VWA8: variants seen among roughly 807,000 people sequenced by gnomAD.
VWA8 encodes the protein von Willebrand factor A domain-containing protein 8.
Under a neutral mutation model 241.5 loss-of-function variants are expected in VWA8, and 221 were observed. That is an observed-to-expected ratio of 0.91 (90% CI 0.82 to 1.02). VWA8 has a LOEUF of 1.02. Ranked by LOEUF, VWA8 falls within the 50% of genes least tolerant of loss-of-function variation. The probability of loss-of-function intolerance (pLI) is 0.00; values close to 1 mark genes in which losing one functional copy is unlikely to be tolerated. For missense variants in VWA8, 2,322 were observed against 2,328.7 expected, an observed-to-expected ratio of 1.00 and a Z score of 0.06; for synonymous variants, 852 against 827.1, an observed-to-expected ratio of 1.03 and a Z score of -0.52.
intron 37 of VWA8, among the ~76,000 whole-genome samples, chr13:41,620,971 T>C (rs1188039722): frequency 6.6e-6 from 1 of 152,166 alleles, no homozygotes; most frequent in African/African-American, 2.4e-5. Context: ...ATTCAATGAT[T>C]TCAAATCTGG....
chr13:41,920,901 T>C (rs572174781), intron 2 of VWA8, among the ~76,000 whole-genome samples: 4 of 152,126 alleles, frequency 2.6e-5, no homozygotes, highest in African/African-American at 9.6e-5. Context: ...TTCCAAACAA[T>C]AGAAAAAGAG....
intron 37 of VWA8, among the ~76,000 whole-genome samples, chr13:41,649,440 G>A (rs551829545): frequency 1.6e-4 from 25 of 152,002 alleles, no homozygotes; most frequent in African/African-American, 5.5e-4. Flanking sequence ...GGAATAAATA[G>A]GTTTATTTGC....
intron 2 of VWA8, among the ~76,000 whole-genome samples, chr13:41,922,563 A>G (rs1566040448): frequency 6.6e-6 from 1 of 152,384 alleles, no homozygotes; most frequent in South Asian, 2.1e-4. Flanking sequence ...TCCAGAATTT[A>G]CAAAGAACTT....
intron 42 of VWA8, among the ~76,000 whole-genome samples, chr13:41,584,166 T>C (rs901665047): frequency 6.6e-6 from 1 of 152,162 alleles, no homozygotes; most frequent in Non-Finnish European, 1.5e-5. Flanking sequence ...ACTTTTTTTG[T>C]AGGTTTAAAA....
intron 9 of VWA8, among the ~76,000 whole-genome samples, chr13:41,874,841 C>T (rs1873821014): frequency 6.6e-6 from 1 of 152,060 alleles, no homozygotes; most frequent in East Asian, 1.9e-4. Context: ...CATAGCCCCT[C>T]AGCAACAAAT....
At chr13:41,946,491 T>C (rs376774451) in intron 2 of VWA8, among the ~76,000 whole-genome samples, 1 of 152,160 alleles carries the variant, frequency 6.6e-6, no homozygotes, top group African/African-American at 2.4e-5. Flanking sequence ...TGTATAAAGA[T>C]ATAGTTTGTA....
At chr13:41,739,611 T>A (rs1291445645) in intron 21 of VWA8, among the ~76,000 whole-genome samples, 2 of 152,144 alleles carry the variant, frequency 1.3e-5, no homozygotes, top group African/African-American at 4.8e-5. Flanking sequence ...AAAAATAGTA[T>A]ACAAATAAGC....
At chr13:41,791,111 TGA>T (rs1157981737) in intron 17 of VWA8, among the ~76,000 whole-genome samples, 1 of 150,202 alleles carries the variant, frequency 6.7e-6, no homozygotes, top group Non-Finnish European at 1.5e-5. Flanking sequence ...CAATATAAAA[TGA>T]GTTTTTTTTT....
intron 5 of VWA8, among the ~76,000 whole-genome samples, chr13:41,889,477 C>G (rs1256063357): frequency 6.6e-6 from 1 of 151,806 alleles, no homozygotes; most frequent in African/African-American, 2.4e-5. Context: ...CTCCTGGGTT[C>G]AAGCGATTCT....
In VWA8 at chr13:41,866,143, T is replaced by G. The variant is rs1025084617; in HGVS notation, c.1213-107A>C. 102 of 1,409,024 alleles carry G rather than the reference T, an allele frequency of 7.2e-5. No homozygotes were observed. In the Middle Eastern group the frequency reaches 1.2e-3, roughly 16 times the overall value. 87.3% of individuals were successfully genotyped at this position (1,409,024 alleles called of 1,614,324 possible). Reference sequence around the variant, plus strand: ...CAGGCAGATCACTTGAGGTTAGTAGTTCGAGACCAGCCTGGCCAATATGGT... The same window carrying G: ...CAGGCAGATCACTTGAGGTTAGTAGGTCGAGACCAGCCTGGCCAATATGGT... On this transcript the variant is annotated intron_variant, in intron 10 of 44. Coordinates refer to ENST00000379310, the MANE Select transcript of VWA8 (RefSeq NM_015058.2).
intron 3 of VWA8, among the ~76,000 whole-genome samples, chr13:41,908,740 C>A (rs1875845669): frequency 6.6e-6 from 1 of 152,200 alleles, no homozygotes; most frequent in South Asian, 2.1e-4. Context: ...GCCCTATAAT[C>A]ATGTACAAAA....
At chr13:41,834,123 A>G (rs1871609753) in intron 12 of VWA8, among the ~76,000 whole-genome samples, 1 of 152,270 alleles carries the variant, frequency 6.6e-6, no homozygotes, top group African/African-American at 2.4e-5. Context: ...ATTGGGAAAC[A>G]ATAGCATAGC....
chr13:41,602,929 A>G (rs1436714165), intron 40 of VWA8, among the ~76,000 whole-genome samples: 1 of 152,146 alleles, frequency 6.6e-6, no homozygotes, highest in Non-Finnish European at 1.5e-5. Context: ...GAAGTTCTAC[A>G]TCTATTTTAG....
intron 13 of VWA8, among the ~76,000 whole-genome samples, chr13:41,832,247 T>C (rs964638810): frequency 7.2e-5 from 11 of 152,094 alleles, no homozygotes; most frequent in African/African-American, 2.7e-4. Flanking sequence ...TATTTTTTAA[T>C]TGCCACCCTG....
chr13:41,627,148 A>G (rs1196804883), intron 37 of VWA8, among the ~76,000 whole-genome samples: 2 of 152,188 alleles, frequency 1.3e-5, no homozygotes, highest in Non-Finnish European at 2.9e-5. Context: ...GTGGCCAAAA[A>G]GCATATGAAA....
chr13:41,949,336 G>A (rs1269043572), intron 2 of VWA8, among the ~76,000 whole-genome samples: 3 of 152,264 alleles, frequency 2.0e-5, no homozygotes, highest in African/African-American at 4.8e-5. Flanking sequence ...GGACATGGAT[G>A]AAACTGGAAA....
chr13:41,868,546 T>C lies in VWA8; in HGVS notation c.1081-69A>G, dbSNP rs1873423889. On this transcript the variant is annotated intron_variant, in intron 9 of 44. Transcript: ENST00000379310. Reference sequence around the variant, plus strand: ...GCATTAACATTGGCTATCTGACAGATTACACCTTAATTACAAGTGAAATCC... The same window carrying C: ...GCATTAACATTGGCTATCTGACAGACTACACCTTAATTACAAGTGAAATCC... The C allele has an allele frequency of 2.0e-6, 3 of 1,491,378 alleles. No individual in the cohort carries two copies. In the South Asian group the frequency reaches 3.8e-5, roughly 19 times the overall value. The allele number at this position is 1,491,378 out of a possible 1,614,324, so 92.4% of individuals were successfully genotyped here.
intron 24 of VWA8, among the ~76,000 whole-genome samples, chr13:41,724,836 CAA>C (rs1302057855): frequency 2.6e-5 from 4 of 152,002 alleles, no homozygotes; most frequent in African/African-American, 9.7e-5. Flanking sequence ...AATTTTAAAA[CAA>C]AAAGAAATTC....
At chr13:41,960,356 C>T (rs1288201514) in intron 1 of VWA8, among the ~76,000 whole-genome samples, 1 of 152,160 alleles carries the variant, frequency 6.6e-6, no homozygotes. Flanking sequence ...TGGAAAGGCT[C>T]GGGGATGCAT....
Sources: allele counts gnomAD v4.1 joint callset (sites outside exome capture counted in the v4.1 genomes callset), GRCh38; gene constraint gnomAD v4.1.1; transcripts MANE v1.5; gene names NCBI Gene and HGNC (gene_info 2026-07-23, HGNC 2026-07-21).